CD99L2: variants seen among roughly 807,000 people sequenced by gnomAD.
The protein encoded by CD99L2 is CD99 molecule like 2.
Under a neutral mutation model 27.3 loss-of-function variants are expected in CD99L2, and 24 were observed. The observed-to-expected ratio is 0.88, with a 90% CI of 0.64 to 1.24. The LOEUF is 1.24. Among genes scored for constraint, CD99L2 ranks in the 50% most tolerant of loss-of-function variants. CD99L2 has a pLI of 0.00. For missense variants in CD99L2, 255 were observed against 221.6 expected (o/e 1.15, Z -0.96); for synonymous variants, 97 against 87.9 (o/e 1.10, Z -0.58).
chrX:150,841,305 G>A (rs181182302), intron 1 of CD99L2, among the ~76,000 whole-genome samples: 4 of 112,371 alleles, frequency 3.6e-5, no homozygotes, highest in South Asian at 7.3e-4. Context: ...TTCCATTTGC[G>A]TGTCTGTATC....
At chrX:150,771,663 G>T in intron 9 of CD99L2, 1 of 641,743 alleles carries the variant, frequency 1.6e-6, no homozygotes, top group Non-Finnish European at 2.4e-6. Context: ...GTAAGCTAAA[G>T]ATGGTCCTGG....
intron 2 of CD99L2, among the ~76,000 whole-genome samples, chrX:150,824,341 AAAGAAGG>A (rs782283617): frequency 0.01 from 972 of 92,774 alleles, 12 homozygotes; most frequent in Non-Finnish European, 0.015. Flanking sequence ...GAAGAAGAAG[AAAGAAGG>A]AAGAAGGAAG....
intron 1 of CD99L2, among the ~76,000 whole-genome samples, chrX:150,893,358 C>T (rs996832302): frequency 5.5e-5 from 6 of 109,962 alleles, no homozygotes; most frequent in South Asian, 4.0e-4. Context: ...CTCCTGAACT[C>T]GGGCAGGCAG....
At chrX:150,770,208 G>A (rs1339800427) in intron 10 of CD99L2, 96 bp downstream of exon 10, 24 of 822,258 alleles carry the variant, frequency 2.9e-5, no homozygotes, top group Middle Eastern at 2.9e-4. Context: ...AGAAGCAGAC[G>A]CCTCTGTGCT....
chrX:150,820,449 A>T (rs1472037241), intron 2 of CD99L2, among the ~76,000 whole-genome samples: 2 of 111,661 alleles, frequency 1.8e-5, no homozygotes, highest in African/African-American at 6.5e-5. Context: ...ACTCTATTGG[A>T]TTTTTAAAAG....
intron 1 of CD99L2, among the ~76,000 whole-genome samples, chrX:150,895,376 C>G (rs2047590087): frequency 2.7e-5 from 3 of 111,905 alleles, no homozygotes; most frequent in Admixed American, 1.9e-4. Context: ...GTAATTAGAA[C>G]AAAGATAACT....
intron 1 of CD99L2, among the ~76,000 whole-genome samples, chrX:150,867,892 CAAAAAAAAAAAA>C (rs782516457): frequency 1.0e-4 from 2 of 19,223 alleles, no homozygotes; most frequent in African/African-American, 4.9e-4. Flanking sequence ...GACTCTGTCT[CAAAAAAAAAAAA>C]AAAAAAAAAA....
At chrX:150,783,910 G>A (rs782269826) in intron 7 of CD99L2, among the ~76,000 whole-genome samples, 139 of 111,980 alleles carry the variant, frequency 1.2e-3, no homozygotes, top group Non-Finnish European at 1.9e-3. Flanking sequence ...AAGGCTCACC[G>A]TGAAGACATC....
At chrX:150,769,652 G>A (rs1428214336) in intron 10 of CD99L2, among the ~76,000 whole-genome samples, 1 of 108,362 alleles carries the variant, frequency 9.2e-6, no homozygotes, top group African/African-American at 3.4e-5. Flanking sequence ...GGCAACACTC[G>A]CCTGAGCTGT....
chrX:150,814,420 G>A (rs1051158739), intron 4 of CD99L2, among the ~76,000 whole-genome samples: 12 of 112,004 alleles, frequency 1.1e-4, no homozygotes, highest in Admixed American at 8.5e-4. Flanking sequence ...AACATCTCAC[G>A]ATGGAATAAA....
rs188818138 is a variant in CD99L2 at position 150,804,687 on chromosome X, C to T, written c.278-9201G>A. Among the ~76,000 whole-genome samples the T allele has an allele frequency of 2.2e-4, 24 of 111,580 alleles. No individual in the cohort carries two copies. The East Asian group carries it at 6.2e-3, about 29-fold the overall frequency. On this transcript the variant is annotated intron_variant, in intron 4 of 10. Coordinates refer to ENST00000370377, the MANE Select transcript of CD99L2 (RefSeq NM_031462.4). ...GAAAAGATCAACAAAATTGACAAACCTTTAGCAAGATTGACAAAGAAAAAG... is the reference window on the plus strand; with the variant it reads ...GAAAAGATCAACAAAATTGACAAACTTTTAGCAAGATTGACAAAGAAAAAG...
intron 4 of CD99L2, among the ~76,000 whole-genome samples, chrX:150,811,800 G>GA (rs1290671572): frequency 3.6e-5 from 4 of 110,970 alleles, no homozygotes; most frequent in Admixed American, 1.9e-4. Context: ...GAAGTTTCAG[G>GA]AAAAAAAACA....
intron 7 of CD99L2, among the ~76,000 whole-genome samples, chrX:150,790,287 G>A (rs368368608): frequency 9.1e-6 from 1 of 109,630 alleles, no homozygotes; most frequent in African/African-American, 3.3e-5. Context: ...CTTGGGTGGT[G>A]GACATGTGAC....
intron 6 of CD99L2, 65 bp from the exon 7 acceptor site, chrX:150,793,821 T>C: frequency 1.1e-6 from 1 of 915,565 alleles, no homozygotes; most frequent in Non-Finnish European, 1.5e-6. Context: ...AAACTTGTGC[T>C]AATGTTGCCC....
chrX:150,770,011 T>C (rs782142783), intron 10 of CD99L2, among the ~76,000 whole-genome samples: 1 of 112,941 alleles, frequency 8.9e-6, no homozygotes, highest in Admixed American at 9.3e-5. Flanking sequence ...TATTCGCTGA[T>C]GGGGAGCAGA....
At chrX:150,780,684 TA>T (rs1199739068) in intron 7 of CD99L2, among the ~76,000 whole-genome samples, 57 of 99,122 alleles carry the variant, frequency 5.8e-4, no homozygotes, top group Admixed American at 6.5e-4. Flanking sequence ...CAGACCCCAG[TA>T]AAAAAAAAAA....
intron 2 of CD99L2, among the ~76,000 whole-genome samples, chrX:150,817,225 AT>A (rs2046175601): frequency 1.8e-5 from 2 of 108,517 alleles, no homozygotes; most frequent in African/African-American, 6.7e-5. Context: ...AAATAAATAA[AT>A]AAATAAATAA....
rs782546679 is a variant in CD99L2 at position 150,786,167 on chromosome X, G to A, written c.496+7524C>T. 1.4e-3 allele frequency among the ~76,000 whole-genome samples: 152 copies of A among 110,393 alleles called. 1 individual carries two copies. The highest frequency in any genetic ancestry group is 1.7e-3 in the Non-Finnish European group (91 of 52,890). On this transcript the variant is annotated intron_variant, in intron 7 of 10. Transcript: ENST00000370377. ...TAGTTATTCTGGAGGATGTGTTGTGGTATCTCATGGTGGTTTGATTTGTAT... is the reference window on the plus strand; with the variant it reads ...TAGTTATTCTGGAGGATGTGTTGTGATATCTCATGGTGGTTTGATTTGTAT...
chrX:150,821,074 T>C (rs1172547733), intron 2 of CD99L2, among the ~76,000 whole-genome samples: 1 of 112,044 alleles, frequency 8.9e-6, no homozygotes, highest in African/African-American at 3.2e-5. Flanking sequence ...CTCAATACTG[T>C]TAAAATGGCA....
Sources: gnomAD v4.1 joint callset for allele counts (sites outside exome capture counted in the v4.1 genomes callset) on GRCh38, gnomAD v4.1.1 for gene constraint, MANE v1.5 for transcripts, NCBI Gene and HGNC (gene_info 2026-07-23, HGNC 2026-07-21) for gene names.